RANBP17: variants seen among roughly 807,000 people sequenced by gnomAD.
RANBP17 encodes ran-binding protein 17.
RANBP17 carries 158 observed loss-of-function variants against 141.2 expected under a neutral mutation model. That is an observed-to-expected ratio of 1.12 (90% CI 0.98 to 1.28). The LOEUF (loss-of-function observed/expected upper bound fraction) is 1.28. Among genes scored for constraint, RANBP17 ranks in the 50% most tolerant of loss-of-function variants. The pLI is 0.00. For missense variants in RANBP17, 1,438 were observed against 1,290.7 expected, an observed-to-expected ratio of 1.11 and a Z score of -1.75; for synonymous variants, 430 against 450.0, an observed-to-expected ratio of 0.96 and a Z score of 0.56.
chr5:171,227,882 G>A (rs1763976616), intron 22 of RANBP17, among the ~76,000 whole-genome samples: 1 of 152,152 alleles, frequency 6.6e-6, no homozygotes, highest in Admixed American at 6.5e-5. Context: ...CGGCACATCT[G>A]TTTACAGCAT....
At chr5:171,006,743 TAAA>T (rs59337087) in intron 14 of RANBP17, among the ~76,000 whole-genome samples, 5 of 142,942 alleles carry the variant, frequency 3.5e-5, no homozygotes, top group East Asian at 2.0e-4. Context: ...CTTAAAGTAT[TAAA>T]AAAAAAAAAA....
intron 14 of RANBP17, among the ~76,000 whole-genome samples, chr5:171,131,044 A>T (rs998857727): frequency 1.3e-5 from 2 of 152,188 alleles, no homozygotes; most frequent in African/African-American, 4.8e-5. Context: ...CTTTTCAGTT[A>T]CACAGAATTG....
intron 14 of RANBP17, among the ~76,000 whole-genome samples, chr5:171,000,495 G>C (rs1779125939): frequency 6.6e-6 from 1 of 152,104 alleles, no homozygotes; most frequent in African/African-American, 2.4e-5. Context: ...AACTTGAAAG[G>C]TCTTTTGGGG....
chr5:171,224,559 G>A (rs1339460948), intron 22 of RANBP17, among the ~76,000 whole-genome samples: 1 of 152,132 alleles, frequency 6.6e-6, no homozygotes, highest in Non-Finnish European at 1.5e-5. Context: ...CTGTTGGGTT[G>A]TCTGACATAG....
intron 24 of RANBP17, among the ~76,000 whole-genome samples, chr5:171,264,353 T>C (rs1166736801): frequency 1.3e-5 from 2 of 152,024 alleles, no homozygotes; most frequent in African/African-American, 4.8e-5. Flanking sequence ...AAGGAACTTA[T>C]TCATGTAACC....
intron 14 of RANBP17, among the ~76,000 whole-genome samples, chr5:171,019,260 T>G (rs1780672968): frequency 6.6e-6 from 1 of 152,332 alleles, no homozygotes; most frequent in South Asian, 2.1e-4. Flanking sequence ...ATCAGGATGG[T>G]GCTGGCTGTA....
rs543370221 is a variant in RANBP17, at chr5:170,874,740, C to G, written c.19-3357C>G. On this transcript the variant is annotated intron_variant, in intron 1 of 27. Transcript: ENST00000523189. ...GTATGTCTTTGCATGTGAGATGGGT[C>G]TCTTGAATACAGTACACTGATGGGA... Among the ~76,000 whole-genome samples, 16 of 151,846 alleles carry G rather than the reference C, an allele frequency of 1.1e-4. No individual in the cohort carries two copies. In the South Asian group the frequency reaches 1.3e-3, roughly 12 times the overall value.
intron 18 of RANBP17, among the ~76,000 whole-genome samples, chr5:171,197,956 G>A (rs573085875): frequency 6.6e-5 from 10 of 152,144 alleles, no homozygotes; most frequent in Non-Finnish European, 1.0e-4. Flanking sequence ...GGAGAATGGC[G>A]TGAACCTGAG....
chr5:170,929,360 G>A (rs1454471745), intron 12 of RANBP17, among the ~76,000 whole-genome samples: 1 of 152,118 alleles, frequency 6.6e-6, no homozygotes, highest in African/African-American at 2.4e-5. Context: ...GATGTTATCT[G>A]TACGCTGTTT....
chr5:171,246,106 C>G (rs1294361401), intron 24 of RANBP17, among the ~76,000 whole-genome samples: 1 of 152,146 alleles, frequency 6.6e-6, no homozygotes, highest in African/African-American at 2.4e-5. Flanking sequence ...GTCTCAAACT[C>G]CTGACCTCAA....
chr5:171,170,419 A>G (rs1760020553), intron 15 of RANBP17, among the ~76,000 whole-genome samples: 1 of 152,172 alleles, frequency 6.6e-6, no homozygotes, highest in Non-Finnish European at 1.5e-5. Context: ...AAGTTTCCAT[A>G]CAACGGCAGC....
chr5:171,197,854 C>T (rs1354709802), intron 18 of RANBP17, among the ~76,000 whole-genome samples: 2 of 151,976 alleles, frequency 1.3e-5, no homozygotes, highest in Admixed American at 6.6e-5. Context: ...CTGGCTAACA[C>T]GGTGAAACCC....
chr5:170,933,885 A>T (rs1202248924), intron 12 of RANBP17, among the ~76,000 whole-genome samples: 1 of 152,140 alleles, frequency 6.6e-6, no homozygotes, highest in Admixed American at 6.5e-5. Context: ...AAGAATGTAT[A>T]TTCTGTTGAT....
At chr5:171,297,329 A>G (rs1227846924) in intron 27 of RANBP17, among the ~76,000 whole-genome samples, 2 of 152,256 alleles carry the variant, frequency 1.3e-5, no homozygotes, top group Non-Finnish European at 2.9e-5. Context: ...CATGGATCTT[A>G]CATTCTAGTA....
chr5:171,181,261 C>G (rs1156764329), intron 16 of RANBP17, among the ~76,000 whole-genome samples: 1 of 152,084 alleles, frequency 6.6e-6, no homozygotes, highest in Admixed American at 6.6e-5. Context: ...CCAGCATGAC[C>G]AACGTAGTGA....
At position 170,953,659 on chromosome 5, in the gene RANBP17, A is replaced by G; in HGVS notation, c.1531A>G (p.Ser511Gly). 1 of 1,611,284 alleles carries G rather than the reference A, an allele frequency of 6.2e-7. No individual in the cohort carries two copies. The highest frequency in any genetic ancestry group is 8.5e-7 in the Non-Finnish European group (1 of 1,177,648). ...TVVGGRLTYTSTDEHDAMDGE... is the reference protein window; with the variant it reads ...TVVGGRLTYTGTDEHDAMDGE... ...TGTAGGAGGAAGATTAACATATACC[A>G]GTACAGATGAGCATGATGCTATGGA... The change falls in exon 13 of 28, where the codon AGT becomes GGT. Residue 511 changes from serine to glycine, a missense_variant. By Grantham distance (56) the Ser-to-Gly change is moderately conservative. Coordinates refer to ENST00000523189, the MANE Select transcript of RANBP17 (RefSeq NM_022897.5).
Position 171,152,321 on chromosome 5 carries a change from G to A in RANBP17, c.1711-17809G>A, listed in dbSNP as rs528514060. On this transcript the variant is annotated intron_variant, in intron 14 of 27. Coordinates refer to ENST00000523189, the MANE Select transcript of RANBP17 (RefSeq NM_022897.5). The stretch of plus-strand genomic sequence containing the variant: ...TGCAATCCCAGCTACTCGGGAGGCT[G>A]AGGTAGAGAATCGCTTGAACCCGGG... 1.5e-4 allele frequency among the ~76,000 whole-genome samples: 22 copies of A among 151,608 alleles called. No homozygotes were observed. In the South Asian group the frequency reaches 4.6e-3, roughly 32 times the overall value.
At chr5:171,013,737 A>T (rs751334024) in intron 14 of RANBP17, among the ~76,000 whole-genome samples, 4 of 152,088 alleles carry the variant, frequency 2.6e-5, no homozygotes, top group African/African-American at 9.7e-5. Context: ...GGCTTTGGCT[A>T]TTTTAGTTTT....
chr5:170,870,749 C>G (rs1328892502), intron 1 of RANBP17, among the ~76,000 whole-genome samples: 3 of 152,128 alleles, frequency 2.0e-5, no homozygotes, highest in Admixed American at 6.6e-5. Flanking sequence ...AATGAGATTG[C>G]TTTGTCAAAT....
Sources: gnomAD v4.1 joint callset for allele counts (sites outside exome capture counted in the v4.1 genomes callset) on GRCh38, gnomAD v4.1.1 for gene constraint, MANE v1.5 for transcripts, NCBI Gene and HGNC (gene_info 2026-07-23, HGNC 2026-07-21) for gene names.